HERC2: variants seen among roughly 807,000 people sequenced by gnomAD.
The protein encoded by HERC2 is HECT and RLD domain containing E3 ubiquitin protein ligase 2, also known as E3 ubiquitin-protein ligase HERC2.
In HERC2, 102 loss-of-function variants were observed where a neutral mutation model predicts 537.7. That is an observed-to-expected ratio of 0.19 (90% CI 0.16 to 0.22). The LOEUF is 0.22. Ranked by LOEUF, HERC2 falls within the 10% of genes least tolerant of loss-of-function variation. HERC2 has a pLI of 1.00. For missense variants in HERC2, 4,236 were observed against 6,198.2 expected (o/e 0.68, Z 10.63); for synonymous variants, 2,224 against 2,466.2 (o/e 0.90, Z 2.91).
At chr15:28,217,879 G>C (rs1392495917) in intron 38 of HERC2, among the ~76,000 whole-genome samples, 1 of 151,936 alleles carries the variant, frequency 6.6e-6, no homozygotes, top group Non-Finnish European at 1.5e-5. Flanking sequence ...AAGTAAGGAA[G>C]GACCTTCCCC....
intron 23 of HERC2, 146 bp from the exon 24 acceptor site, chr15:28,238,918 C>T (rs1902748881): frequency 2.8e-6 from 2 of 712,282 alleles, no homozygotes; most frequent in Non-Finnish European, 5.1e-6. Context: ...AAACTAATAC[C>T]ACACATACAA....
intron 69 of HERC2, among the ~76,000 whole-genome samples, 174 bp from the exon 70 acceptor site, chr15:28,153,004 A>G (rs1892612018): frequency 6.6e-6 from 1 of 152,182 alleles, no homozygotes; most frequent in South Asian, 2.1e-4. Flanking sequence ...TGCACATAAA[A>G]CAGAGACAGC....
intron 2 of HERC2, among the ~76,000 whole-genome samples, chr15:28,299,822 G>A (rs568435248): frequency 2.3e-4 from 35 of 152,078 alleles, no homozygotes; most frequent in African/African-American, 7.0e-4. Flanking sequence ...GAGGCCGAGC[G>A]GGGCACATCA....
At chr15:28,178,449 A>G (rs1895506241) in intron 59 of HERC2, among the ~76,000 whole-genome samples, 1 of 152,198 alleles carries the variant, frequency 6.6e-6, no homozygotes, top group African/African-American at 2.4e-5. Context: ...AGCCACCATC[A>G]TTTGGATTTC....
At chr15:28,161,173 G>A (rs2142423665) in intron 69 of HERC2, among the ~76,000 whole-genome samples, 1 of 152,308 alleles carries the variant, frequency 6.6e-6, no homozygotes, top group Middle Eastern at 3.4e-3. Flanking sequence ...TGGTGATCAT[G>A]TAAGTTACTA....
At position 28,214,259 on chromosome 15, in the gene HERC2, C is replaced by A; in HGVS notation, c.6372G>T (p.Arg2124Ser). 6.2e-7 allele frequency: 1 copy of A among 1,611,578 alleles called. No homozygotes were observed. Among genetic ancestry groups the A allele is most frequent in the Non-Finnish European group, 8.5e-7 (1 of 1,179,598 alleles). The change falls in exon 41 of 93, where the codon AGG becomes AGT. Residue 2124 changes from arginine to serine, a missense_variant. By Grantham distance (110) the Arg-to-Ser change is moderately radical. Around this residue, in one of 27 missense-constraint regions of HERC2, gnomAD observed 365 missense variants for 468.8 expected, o/e 0.78. Coordinates refer to ENST00000261609, the MANE Select transcript of HERC2 (RefSeq NM_004667.6). ...DVPLLRESTL[R>S]RRRVRPQASL... Reference sequence around the variant, plus strand: ...AGGCCTGCGGGCGCACCCTGCGCCGCCTCAGCGTGGACTCTGAGGAGGAAA... The same window carrying A: ...AGGCCTGCGGGCGCACCCTGCGCCGACTCAGCGTGGACTCTGAGGAGGAAA...
chr15:28,122,284 C>T lies in HERC2; in HGVS notation c.13189-855G>A, dbSNP rs566690359. On this transcript the variant is annotated intron_variant, in intron 85 of 92. Transcript: ENST00000261609. The surrounding 1 kb of genome is among the most constrained non-coding windows in gnomAD (Gnocchi z 4.1). ...AAGGGCAGAGGATGCGGCACGCAGCCGTGCCAATGGAAAGGGATGAGACAG... is the reference window on the plus strand; with the variant it reads ...AAGGGCAGAGGATGCGGCACGCAGCTGTGCCAATGGAAAGGGATGAGACAG... 6.6e-6 allele frequency among the ~76,000 whole-genome samples: 1 copy of T among 152,332 alleles called. No homozygotes were observed. Among genetic ancestry groups the T allele is most frequent in the South Asian group, 2.1e-4 (1 of 4,832 alleles).
chr15:28,178,853 G>A lies in HERC2; in HGVS notation c.9163+34C>T, dbSNP rs551818335. The A allele has an allele frequency of 2.6e-5, 41 of 1,597,550 alleles. 1 individual carries two copies. The highest frequency in any genetic ancestry group is 1.2e-4 in the African/African-American group (9 of 74,626). ...TAACAACGGAGCAGGAGCAAAGGCC[G>A]CCCCGCACAGGCCTCCTGGTGCTTG... On this transcript the variant is annotated intron_variant, in intron 59 of 92. Coordinates refer to ENST00000261609, the MANE Select transcript of HERC2 (RefSeq NM_004667.6).
At chr15:28,160,593 T>C (rs1489602724) in intron 69 of HERC2, among the ~76,000 whole-genome samples, 1 of 152,220 alleles carries the variant, frequency 6.6e-6, no homozygotes, top group African/African-American at 2.4e-5. Context: ...AGCACAGTAT[T>C]AGGGTGGGAG....
chr15:28,161,750 C>T (rs531563167), intron 69 of HERC2, among the ~76,000 whole-genome samples: 20 of 152,266 alleles, frequency 1.3e-4, no homozygotes, highest in African/African-American at 4.8e-4. Flanking sequence ...CCTACAGACC[C>T]AGTGCTACCA....
chr15:28,232,932 C>G (rs1242268176), intron 30 of HERC2, among the ~76,000 whole-genome samples: 2 of 152,184 alleles, frequency 1.3e-5, no homozygotes, highest in Non-Finnish European at 2.9e-5. Context: ...TCAAATCATA[C>G]CACACTCAAT....
chr15:28,228,531 G>A, intron 34 of HERC2, 122 bp from the exon 35 acceptor site: 2 of 877,490 alleles, frequency 2.3e-6, no homozygotes, highest in Non-Finnish European at 3.6e-6. Flanking sequence ...CATTTCTTCT[G>A]CATGGATGCA....
At chr15:28,307,506 T>A (rs1422374494) in intron 2 of HERC2, among the ~76,000 whole-genome samples, 1 of 152,262 alleles carries the variant, frequency 6.6e-6, no homozygotes, top group Admixed American at 6.5e-5. Context: ...CTCTTAGTAC[T>A]GCTTTAACTA....
intron 2 of HERC2, among the ~76,000 whole-genome samples, chr15:28,305,271 G>C (rs866142570): frequency 6.6e-6 from 1 of 152,046 alleles, no homozygotes; most frequent in African/African-American, 2.4e-5. Flanking sequence ...TCTAGTTCTA[G>C]ATCCCTGAGG....
chr15:28,255,967 C>G lies in HERC2; in HGVS notation c.2776G>C (p.Gly926Arg), dbSNP rs1222653969. ...AGAAGATCAATCATGAATCGACGAC[C>G]TGGACTTATGTTCACTTCATTGCCT... The part of the protein sequence containing the change: ...VSGNEVNISP[G>R]RRFMIDLLVG... Residue 926 changes from glycine (G) to arginine (R), a missense_variant, in exon 19 of 93, where the codon GGT (glycine) becomes CGT (arginine). This residue lies in a region of HERC2 where 754 missense variants were observed against 1,085.0 expected (regional missense o/e 0.69). Coordinates refer to ENST00000261609, the MANE Select transcript of HERC2 (RefSeq NM_004667.6). 9.3e-6 allele frequency: 15 copies of G among 1,606,276 alleles called. No individual in the cohort carries two copies. Among genetic ancestry groups the G allele is most frequent in the Non-Finnish European group, 1.2e-5 (14 of 1,179,828 alleles).
At chr15:28,228,536 G>C in intron 34 of HERC2, 127 bp from the exon 35 acceptor site, 1 of 884,542 alleles carries the variant, frequency 1.1e-6, no homozygotes, top group Non-Finnish European at 1.8e-6. Flanking sequence ...CTTCTGCATG[G>C]ATGCAAGAAT....
intron 70 of HERC2, among the ~76,000 whole-genome samples, chr15:28,149,564 C>T (rs993479731): frequency 4.0e-5 from 6 of 151,470 alleles, no homozygotes; most frequent in East Asian, 2.0e-4. Flanking sequence ...CACCAACATA[C>T]GTTCTAGTAA....
intron 22 of HERC2, among the ~76,000 whole-genome samples, chr15:28,246,283 C>T (rs1903701906): frequency 6.6e-6 from 1 of 151,986 alleles, no homozygotes. Context: ...CACTGTATTT[C>T]AATCACAGAA....
chr15:28,274,393 C>T lies in HERC2; in HGVS notation c.698G>A (p.Arg233Gln). 1.9e-6 allele frequency: 3 copies of T among 1,613,990 alleles called. No individual in the cohort carries two copies. The highest frequency in any genetic ancestry group is 1.1e-5 in the South Asian group (1 of 91,040). Residue 233 changes from arginine (R) to glutamine (Q), a missense_variant, in exon 7 of 93, where the codon CGA becomes CAA. Arg to Gln is a conservative substitution (Grantham distance 43, BLOSUM62 1). Around this residue, in one of 27 missense-constraint regions of HERC2, gnomAD observed 491 missense variants for 559.3 expected, o/e 0.88. Coordinates refer to ENST00000261609, the MANE Select transcript of HERC2 (RefSeq NM_004667.6). ...ELLQESLDAL[R>Q]ALPEASLFDE... ...AAAGAGCGAGGCCTCGGGAAGTGCT[C>T]GCAGGGCGTCCAGGGACTCCTGCAA...
Sources: gnomAD v4.1 joint callset for allele counts (sites outside exome capture counted in the v4.1 genomes callset) on GRCh38, gnomAD v4.1.1 for gene constraint, gnomAD v4.1.1 regional missense constraint, Gnocchi (gnomAD v3.1) non-coding constraint, MANE v1.5 for transcripts, NCBI Gene and HGNC (gene_info 2026-07-23, HGNC 2026-07-21) for gene names.